Variants in LRRC7 observed in about 807,000 individuals in gnomAD.
LRRC7 encodes leucine rich repeat containing 7.
LRRC7 carries 23 observed loss-of-function variants against 175.7 expected under a neutral mutation model. That is an observed-to-expected ratio of 0.13 (90% CI 0.09 to 0.19). The LOEUF is 0.19. Ranked by LOEUF, LRRC7 falls within the 10% of genes least tolerant of loss-of-function variation. LRRC7 has a pLI of 1.00. For missense variants in LRRC7, 1,354 were observed against 1,904.7 expected, an observed-to-expected ratio of 0.71 and a Z score of 5.38; for synonymous variants, 685 against 680.9, an observed-to-expected ratio of 1.01 and a Z score of -0.09.
intron 1 of LRRC7, among the ~76,000 whole-genome samples, chr1:69,667,437 A>G (rs909753468): frequency 6.6e-6 from 1 of 152,022 alleles, no homozygotes; most frequent in African/African-American, 2.4e-5. Context: ...GTTGGGTTCT[A>G]TCTCTCTCTT....
At chr1:69,816,361 T>G (rs1272903461) in intron 4 of LRRC7, among the ~76,000 whole-genome samples, 1 of 152,162 alleles carries the variant, frequency 6.6e-6, no homozygotes, top group Non-Finnish European at 1.5e-5. Flanking sequence ...ATGCCTCACC[T>G]CTTAAAAACG....
In LRRC7 at chr1:70,047,662, T is replaced by G. The variant is rs183966303; in HGVS notation, c.4110+3568T>G. Among the ~76,000 whole-genome samples the G allele has an allele frequency of 1.1e-4, 16 of 152,176 alleles. No individual in the cohort carries two copies. The South Asian group carries it at 1.2e-3, about 12-fold the overall frequency. ...AATGTATTTTAAATATTTTTCATTT[T>G]TTCATATTTATTACATGTCAGATCA... On this transcript the variant is annotated intron_variant, in intron 22 of 26. Coordinates refer to ENST00000651989, the MANE Select transcript of LRRC7 (RefSeq NM_001370785.2).
Position 69,791,393 on chromosome 1 carries a change from G to A in LRRC7, c.304-650G>A, listed in dbSNP as rs372851441. 2.9e-4 allele frequency among the ~76,000 whole-genome samples: 44 copies of A among 152,082 alleles called. 1 individual carries two copies. In the South Asian group the frequency reaches 4.6e-3, roughly 16 times the overall value. Reference sequence around the variant, plus strand: ...CATCTACCTCAACCAGTGAATATAAGCATGCTGGATTTCACAGCTATTACT... The same window carrying A: ...CATCTACCTCAACCAGTGAATATAAACATGCTGGATTTCACAGCTATTACT... On this transcript the variant is annotated intron_variant, in intron 3 of 26. Transcript: ENST00000651989.
chr1:69,612,222 T>C (rs1008795658), intron 1 of LRRC7, among the ~76,000 whole-genome samples: 7 of 151,998 alleles, frequency 4.6e-5, no homozygotes, highest in African/African-American at 1.2e-4. Flanking sequence ...TAAAATAGTA[T>C]ACTATATATT....
intron 25 of LRRC7, among the ~76,000 whole-genome samples, chr1:70,101,762 T>C (rs1437253901): frequency 6.6e-6 from 1 of 152,202 alleles, no homozygotes; most frequent in Non-Finnish European, 1.5e-5. Context: ...AGTTTTTAAA[T>C]GAGGTGGAAA....
At chr1:69,774,746 C>T (rs147977711) in intron 3 of LRRC7, among the ~76,000 whole-genome samples, 15 of 151,890 alleles carry the variant, frequency 9.9e-5, no homozygotes, top group Non-Finnish European at 1.9e-4. Context: ...CTGATTTAAC[C>T]GAAGATTTGG....
intron 2 of LRRC7, among the ~76,000 whole-genome samples, chr1:69,736,903 C>A (rs1668176531): frequency 6.6e-6 from 1 of 152,002 alleles, no homozygotes; most frequent in African/African-American, 2.4e-5. Flanking sequence ...AGTTGTAAAC[C>A]AAGGTTCTGA....
At chr1:70,081,405 C>A (rs1195102945) in intron 24 of LRRC7, among the ~76,000 whole-genome samples, 1 of 152,200 alleles carries the variant, frequency 6.6e-6, no homozygotes, top group Non-Finnish European at 1.5e-5. Flanking sequence ...CAGCATGATG[C>A]TTCAAACCTT....
chr1:69,958,660 G>A (rs1015338711), intron 8 of LRRC7, among the ~76,000 whole-genome samples: 1 of 151,920 alleles, frequency 6.6e-6, no homozygotes, highest in African/African-American at 2.4e-5. Flanking sequence ...TGGACAGGAA[G>A]GAAACACAAA....
At chr1:69,795,547 G>A (rs1005409453) in intron 4 of LRRC7, among the ~76,000 whole-genome samples, 1 of 152,068 alleles carries the variant, frequency 6.6e-6, no homozygotes, top group Non-Finnish European at 1.5e-5. Context: ...TGAAAAAGAG[G>A]CAAGACCTGA....
intron 1 of LRRC7, among the ~76,000 whole-genome samples, chr1:69,638,590 A>C (rs1054547833): frequency 6.6e-6 from 1 of 151,782 alleles, no homozygotes; most frequent in Non-Finnish European, 1.5e-5. Context: ...GAGTATATCA[A>C]TTAAGCCAAG....
intron 2 of LRRC7, among the ~76,000 whole-genome samples, chr1:69,745,767 T>C (rs1557675501): frequency 6.6e-6 from 1 of 151,358 alleles, no homozygotes; most frequent in Non-Finnish European, 1.5e-5. Flanking sequence ...GGTGCAACCT[T>C]AAATGAATGA....
chr1:69,890,608 A>G (rs1402871736), intron 7 of LRRC7, among the ~76,000 whole-genome samples: 1 of 152,178 alleles, frequency 6.6e-6, no homozygotes, highest in Admixed American at 6.5e-5. Flanking sequence ...TGTCCTTTGA[A>G]GCTTTGATGG....
In LRRC7 at chr1:69,665,435, T is replaced by C. The variant is rs372205806; in HGVS notation, c.3-12946T>C. Among the ~76,000 whole-genome samples the C allele has an allele frequency of 5.6e-4, 85 of 152,282 alleles. 1 individual carries two copies. In the South Asian group the frequency reaches 9.1e-3, roughly 16 times the overall value. ...ACATTGATTGATTCTTTGTTCATTG[T>C]TGATTCTTCCAATTCATGAACATGG... On this transcript the variant is annotated intron_variant, in intron 1 of 26. Coordinates refer to ENST00000651989, the MANE Select transcript of LRRC7 (RefSeq NM_001370785.2).
intron 7 of LRRC7, among the ~76,000 whole-genome samples, chr1:69,906,436 A>G (rs1339763929): frequency 1.3e-5 from 2 of 152,190 alleles, no homozygotes; most frequent in Non-Finnish European, 2.9e-5. Context: ...TAATTTTTGT[A>G]TAAGGTGTAA....
At chr1:69,591,120 T>C (rs1261871) in intron 1 of LRRC7, among the ~76,000 whole-genome samples, 23,010 of 152,048 alleles carry the variant, frequency 0.15, 1,923 homozygotes, top group Admixed American at 0.19. Flanking sequence ...ACATTGATCA[T>C]TGATTTTGGA....
At chr1:70,018,849 T>G in intron 15 of LRRC7, 31 bp downstream of exon 15, 3 of 1,487,854 alleles carry the variant, frequency 2.0e-6, no homozygotes, top group Non-Finnish European at 2.8e-6. Flanking sequence ...TCTTCTCTAC[T>G]TATAATGATT....
At chr1:69,683,409 A>T (rs1446551031) in intron 2 of LRRC7, among the ~76,000 whole-genome samples, 3 of 152,144 alleles carry the variant, frequency 2.0e-5, no homozygotes, top group Non-Finnish European at 4.4e-5. Context: ...TCCATTGCTC[A>T]TTCAAGAAAG....
intron 2 of LRRC7, among the ~76,000 whole-genome samples, chr1:69,693,833 C>T (rs1305870762): frequency 6.6e-6 from 1 of 152,194 alleles, no homozygotes; most frequent in Non-Finnish European, 1.5e-5. Flanking sequence ...CATAGTCAAT[C>T]TCTTTCTTTC....
Sources: allele counts gnomAD v4.1 joint callset (sites outside exome capture counted in the v4.1 genomes callset), GRCh38; gene constraint gnomAD v4.1.1; transcripts MANE v1.5; gene names NCBI Gene and HGNC (gene_info 2026-07-23, HGNC 2026-07-21).